GMCL1: variants seen among roughly 807,000 people sequenced by gnomAD.
The protein encoded by GMCL1 is germ cell-less 1, spermatogenesis associated, also known as germ cell-less protein-like 1.
In GMCL1, 54 loss-of-function variants were observed where a neutral mutation model predicts 75.5. The observed-to-expected ratio is 0.71, with a 90% CI of 0.57 to 0.90. The LOEUF (loss-of-function observed/expected upper bound fraction) is 0.90, where lower values mean the gene tolerates loss of function less well. GMCL1 is among the 40% of genes least tolerant of loss of function. The probability of loss-of-function intolerance (pLI) is 0.00; values close to 1 mark genes in which losing one functional copy is unlikely to be tolerated. For synonymous variants in GMCL1, 210 were observed against 209.6 expected (o/e 1.00, Z -0.02); for missense variants, 537 against 622.7 (o/e 0.86, Z 1.47).
intron 13 of GMCL1, among the ~76,000 whole-genome samples, chr2:69,874,204 A>G (rs1398873557): frequency 6.6e-6 from 1 of 151,922 alleles, no homozygotes; most frequent in East Asian, 1.9e-4. Context: ...GGTGCATACA[A>G]TTTTCTAATG....
At chr2:69,863,749 T>A (rs1168598949) in intron 10 of GMCL1, among the ~76,000 whole-genome samples, 1 of 152,266 alleles carries the variant, frequency 6.6e-6, no homozygotes, top group Non-Finnish European at 1.5e-5. Context: ...CTGTGGGGAC[T>A]GTCAGCATTC....
intron 5 of GMCL1, 59 bp downstream of exon 5, chr2:69,843,320 T>A: frequency 1.2e-6 from 1 of 864,644 alleles, no homozygotes; most frequent in Non-Finnish European, 1.9e-6. Context: ...GTTGCTTTAG[T>A]TTCTTAAGAG....
chr2:69,861,180 T>C (rs1573364144), intron 9 of GMCL1, 98 bp from the exon 10 acceptor site: 1 of 869,598 alleles, frequency 1.1e-6, no homozygotes, highest in East Asian at 2.8e-5. Flanking sequence ...TTTAAACTTG[T>C]ATTTAGAAAT....
intron 8 of GMCL1, among the ~76,000 whole-genome samples, chr2:69,850,335 T>C (rs951614081): frequency 2.7e-5 from 4 of 150,684 alleles, no homozygotes; most frequent in African/African-American, 9.7e-5. Context: ...ATAAAAAAAA[T>C]ACATGTGTAT....
At chr2:69,863,123 A>C (rs1482551843) in intron 10 of GMCL1, among the ~76,000 whole-genome samples, 1 of 152,180 alleles carries the variant, frequency 6.6e-6, no homozygotes, top group South Asian at 2.1e-4. Flanking sequence ...GTATACCAAA[A>C]TCCACACATA....
At chr2:69,840,402 T>TC (rs1674950634) in intron 3 of GMCL1, among the ~76,000 whole-genome samples, 1 of 148,522 alleles carries the variant, frequency 6.7e-6, no homozygotes, top group Non-Finnish European at 1.5e-5. Flanking sequence ...AGAGCGAGAC[T>TC]CCATCTCAAA....
intron 13 of GMCL1, among the ~76,000 whole-genome samples, chr2:69,877,891 G>A (rs1413643392): frequency 6.6e-6 from 1 of 152,000 alleles, no homozygotes; most frequent in Non-Finnish European, 1.5e-5. Flanking sequence ...TTAAAACTTT[G>A]GATTTAAACA....
chr2:69,836,772 G>A (rs1336197121), intron 1 of GMCL1, among the ~76,000 whole-genome samples: 1 of 152,064 alleles, frequency 6.6e-6, no homozygotes, highest in Non-Finnish European at 1.5e-5. Context: ...TTTTAGTCAA[G>A]TCTTCCTTTA....
At chr2:69,857,709 T>C (rs1177969387) in intron 9 of GMCL1, among the ~76,000 whole-genome samples, 1 of 152,226 alleles carries the variant, frequency 6.6e-6, no homozygotes, top group Non-Finnish European at 1.5e-5. Flanking sequence ...TATTTGTCCA[T>C]GTAGGAATTT....
chr2:69,848,482 G>A (rs978646855), intron 7 of GMCL1, among the ~76,000 whole-genome samples: 9 of 152,282 alleles, frequency 5.9e-5, no homozygotes, highest in Middle Eastern at 6.8e-3. Context: ...CCAGGCTGGC[G>A]GATCGCTTGA....
chr2:69,864,265 G>A (rs905319714), intron 10 of GMCL1, among the ~76,000 whole-genome samples: 1 of 151,776 alleles, frequency 6.6e-6, no homozygotes, highest in Non-Finnish European at 1.5e-5. Flanking sequence ...GGCATTTCAT[G>A]TTGTGAATGA....
chr2:69,840,994 C>A lies in GMCL1; in HGVS notation c.534C>A (p.Pro178=). 1 of 1,613,958 alleles carries A rather than the reference C, an allele frequency of 6.2e-7. No individual in the cohort carries two copies. Among genetic ancestry groups the A allele is most frequent in the Non-Finnish European group, 8.5e-7 (1 of 1,179,914 alleles). Residue 178 remains proline, a synonymous_variant, in exon 4 of 14, where the codon CCC becomes CCA. Coordinates refer to ENST00000282570, the MANE Select transcript of GMCL1 (RefSeq NM_178439.5). ...ATCGAGATGATGTCTTGATAAAGCC[C>A]AGTCGAGTTGTTGCCATTTTGGCAG... ...SLYRDDVLIK[P]SRVVAILAAA... is the part of the protein sequence containing the mutation.
intron 8 of GMCL1, among the ~76,000 whole-genome samples, chr2:69,852,475 C>T (rs933328207): frequency 1.4e-5 from 2 of 140,744 alleles, no homozygotes; most frequent in African/African-American, 5.8e-5. Context: ...AAGATGCATA[C>T]TTAGGAAATA....
chr2:69,856,342 A>G (rs1675467530), intron 9 of GMCL1, among the ~76,000 whole-genome samples: 1 of 152,218 alleles, frequency 6.6e-6, no homozygotes. Context: ...ATTTGGGTAC[A>G]TCTGTTTACC....
In GMCL1 at chr2:69,844,195, A is replaced by C. The variant is rs1350094543; in HGVS notation, c.757A>C (p.Ser253Arg). The C allele has an allele frequency of 6.5e-7, 1 of 1,539,800 alleles. No homozygotes were observed. ...HQNVELFKEL[S>R]INVMKQLIGS... ...GAATGTTGAACTTTTTAAAGAACTC[A>C]GGTATTTGAATTTCAAGTAACTTCA... Residue 253 changes from serine (S) to arginine (R), a missense_variant and splice_region_variant, in exon 6 of 14, where the codon AGT becomes CGT. Ser to Arg is a moderately radical substitution (Grantham distance 110). Transcript: ENST00000282570.
At chr2:69,830,898 G>C (rs1468884609) in intron 1 of GMCL1, among the ~76,000 whole-genome samples, 1 of 151,882 alleles carries the variant, frequency 6.6e-6, no homozygotes, top group Admixed American at 6.6e-5. Flanking sequence ...ATTTGGTAGG[G>C]TCACACATGA....
At chr2:69,835,984 T>A (rs1476095601) in intron 1 of GMCL1, among the ~76,000 whole-genome samples, 1 of 152,214 alleles carries the variant, frequency 6.6e-6, no homozygotes, top group Non-Finnish European at 1.5e-5. Context: ...TTCCATTAGC[T>A]TTGTGCTATT....
intron 2 of GMCL1, among the ~76,000 whole-genome samples, chr2:69,839,144 A>G (rs752122286): frequency 2.0e-5 from 3 of 152,228 alleles, no homozygotes; most frequent in Admixed American, 6.5e-5. Flanking sequence ...TACAGTAAAG[A>G]TTCAACAGTT....
rs1212048267 is a variant in GMCL1, at chr2:69,864,938, G to T, written c.1181G>T (p.Ser394Ile). 6.2e-7 allele frequency: 1 copy of T among 1,613,466 alleles called. No homozygotes were observed. The highest frequency in any genetic ancestry group is 8.5e-7 in the Non-Finnish European group (1 of 1,179,526). ...AATAAAGAAGAACTAGAGGGAAACA[G>T]CATGAGGTGTGGTAGAAAGCTTGCC... ...EINKEELEGN[S>I]MRCGRKLAKD... The change falls in exon 11 of 14, where the codon AGC (serine) becomes ATC (isoleucine). Residue 394 changes from serine (S) to isoleucine (I), a missense_variant. This residue lies in a region of GMCL1 where 345 missense variants were observed against 410.5 expected (regional missense o/e 0.84). Coordinates refer to ENST00000282570, the MANE Select transcript of GMCL1 (RefSeq NM_178439.5).
Sources: allele counts gnomAD v4.1 joint callset (sites outside exome capture counted in the v4.1 genomes callset), GRCh38; gene constraint gnomAD v4.1.1; regional missense constraint gnomAD v4.1.1; transcripts MANE v1.5; gene names NCBI Gene and HGNC (gene_info 2026-07-23, HGNC 2026-07-21).